NCOR2: variants seen among roughly 807,000 people sequenced by gnomAD.
The protein encoded by NCOR2 is nuclear receptor corepressor 2.
In NCOR2, 81 loss-of-function variants were observed where a neutral mutation model predicts 262.9. The ratio of observed to expected loss-of-function variants is 0.31; its 90% CI spans 0.26 to 0.37. NCOR2 has a LOEUF of 0.37. NCOR2 is among the 10% of genes least tolerant of loss of function. NCOR2 has a pLI of 1.00. For missense variants in NCOR2, 3,385 were observed against 3,621.4 expected (o/e 0.93, Z 1.68); for synonymous variants, 1,659 against 1,559.3 (o/e 1.06, Z -1.51).
At chr12:124,535,060 C>T (rs912671868) in intron 1 of NCOR2, among the ~76,000 whole-genome samples, 5 of 152,236 alleles carry the variant, frequency 3.3e-5, no homozygotes, top group Admixed American at 2.0e-4. Flanking sequence ...GTGCCCAGCA[C>T]AGAAGTAGCA....
exon 4 of NCOR2, chr12:124,473,115 C>T (rs1469580545): frequency 1.2e-6 from 2 of 1,613,804 alleles, no homozygotes; most frequent in Non-Finnish European, 1.7e-6. Context: ...TTCCAGCTTG[C>T]CCGTCAGGCT....
rs1204018518 is a variant in NCOR2, at chr12:124,473,192, C to A, written c.412-61G>T. 2.5e-6 allele frequency: 4 copies of A among 1,582,558 alleles called. No individual in the cohort carries two copies. The East Asian group carries it at 9.0e-5, about 36-fold the overall frequency. On this transcript the variant is annotated intron_variant, in intron 3 of 46. Transcript: ENST00000405201. ...AGGGGACACCCCCCAGTCTGTACAACCCTGTGATGGTTAATACTGTCAACC... is the reference window on the plus strand; with the variant it reads ...AGGGGACACCCCCCAGTCTGTACAAACCTGTGATGGTTAATACTGTCAACC...
At chr12:124,381,830 G>A (rs1173628557) in intron 17 of NCOR2, among the ~76,000 whole-genome samples, 1 of 152,236 alleles carries the variant, frequency 6.6e-6, no homozygotes, top group Non-Finnish European at 1.5e-5. Flanking sequence ...TGAATTCACA[G>A]ATGGGAGAAA....
rs375448768 is a variant in NCOR2 at position 124,326,190 on chromosome 12, C to G, written c.7363+1G>C. Reference sequence around the variant, plus strand: ...CAGCCCTGTCCCCACCTGGTGCCCACCTGCGGACGAGGGCCTGTCCTCCCA... The same window carrying G: ...CAGCCCTGTCCCCACCTGGTGCCCAGCTGCGGACGAGGGCCTGTCCTCCCA... On this transcript the variant is annotated splice_donor_variant, in intron 46 of 46. Transcript: ENST00000405201. LOFTEE classifies it high-confidence loss of function. The G allele has an allele frequency of 6.6e-7, 1 of 1,522,480 alleles. No individual in the cohort carries two copies. Among genetic ancestry groups the G allele is most frequent in the Non-Finnish European group, 8.8e-7 (1 of 1,137,490 alleles). The allele number at this position is 1,522,480 out of a possible 1,614,324, so 94.3% of individuals were successfully genotyped here.
At chr12:124,486,748 G>A (rs374698477) in intron 1 of NCOR2, among the ~76,000 whole-genome samples, 180 bp from the exon 4 acceptor site, 35 of 152,294 alleles carry the variant, frequency 2.3e-4, no homozygotes, top group South Asian at 1.0e-3. Context: ...CCTTGGGGCC[G>A]AACACCAAGG....
At chr12:124,400,721 A>C in intron 14 of NCOR2, 48 bp from the exon 17 acceptor site, 1 of 1,599,532 alleles carries the variant, frequency 6.3e-7, no homozygotes. Flanking sequence ...GAGCCGGGAA[A>C]TCAAACAGCC....
chr12:124,351,501 C>T (rs916457206), intron 27 of NCOR2, among the ~76,000 whole-genome samples: 1 of 152,080 alleles, frequency 6.6e-6, no homozygotes, highest in African/African-American at 2.4e-5. Flanking sequence ...TCGAAAATGT[C>T]CCTAGAGAGT....
chr12:124,412,748 C>A lies in NCOR2; in HGVS notation c.1482+7209G>T, dbSNP rs563691789. On this transcript the variant is annotated intron_variant, in intron 13 of 46. Transcript: ENST00000405201. ...GGTTCTCAGCAGCGTCCTAGACCAA[C>A]GCCTGGGAGCTCCTTGGAAATGCAG... Among the ~76,000 whole-genome samples the A allele has an allele frequency of 9.2e-5, 14 of 152,390 alleles. 1 individual carries two copies. In the East Asian group the frequency reaches 1.5e-3, roughly 17 times the overall value.
chr12:124,473,092 G>A, exon 4 of NCOR2: 3 of 1,614,046 alleles, frequency 1.9e-6, no homozygotes, highest in Non-Finnish European at 2.5e-6. Context: ...GGGGGGCTGG[G>A]GGGAGACACC....
At chr12:124,401,069 G>A (rs1183688945) in intron 14 of NCOR2, among the ~76,000 whole-genome samples, 1 of 152,128 alleles carries the variant, frequency 6.6e-6, no homozygotes, top group Non-Finnish European at 1.5e-5. Flanking sequence ...AAATTAGCCA[G>A]GCGTGGTGGC....
chr12:124,355,107 T>A, intron 24 of NCOR2, 168 bp from the exon 27 acceptor site: 1 of 643,818 alleles, frequency 1.6e-6, no homozygotes, highest in Non-Finnish European at 2.6e-6. Flanking sequence ...CTCGGCCCCC[T>A]CCCCTGTGAA....
At chr12:124,387,536 G>A (rs926642204) in intron 16 of NCOR2, among the ~76,000 whole-genome samples, 4 of 152,328 alleles carry the variant, frequency 2.6e-5, no homozygotes, top group South Asian at 2.1e-4. Flanking sequence ...CCTGCCCTCC[G>A]GGTCCTCTGG....
chr12:124,551,606 C>T (rs1368313552), intron 1 of NCOR2, among the ~76,000 whole-genome samples: 1 of 152,210 alleles, frequency 6.6e-6, no homozygotes. Flanking sequence ...CTCCCCTGGC[C>T]GCCTCTTTGC....
intron 11 of NCOR2, among the ~76,000 whole-genome samples, chr12:124,424,419 A>AT (rs1231886343): frequency 6.6e-6 from 1 of 152,162 alleles, no homozygotes; most frequent in East Asian, 1.9e-4. Context: ...GGCACGAGCC[A>AT]TTAAGTAACC....
intron 9 of NCOR2, 119 bp from the exon 12 acceptor site, chr12:124,429,825 A>C: frequency 1.0e-6 from 1 of 976,020 alleles, no homozygotes; most frequent in Non-Finnish European, 1.5e-6. Flanking sequence ...GGCAGCGGCC[A>C]GCAGAGGGGC....
intron 1 of NCOR2, among the ~76,000 whole-genome samples, chr12:124,550,121 C>T (rs913317675): frequency 6.6e-6 from 1 of 150,794 alleles, no homozygotes; most frequent in Admixed American, 6.6e-5. Flanking sequence ...TGGATGGAAG[C>T]AGGGGTGTTG....
At chr12:124,333,833 G>A (rs1181758328) in intron 41 of NCOR2, among the ~76,000 whole-genome samples, 1 of 149,278 alleles carries the variant, frequency 6.7e-6, no homozygotes, top group African/African-American at 2.5e-5. Flanking sequence ...GGGGTGTGCG[G>A]GTGCGCCTGT....
intron 5 of NCOR2, among the ~76,000 whole-genome samples, chr12:124,465,446 C>T (rs564478598): frequency 6.6e-6 from 1 of 152,318 alleles, no homozygotes; most frequent in African/African-American, 2.4e-5. Flanking sequence ...AGGGTCCAGC[C>T]CCTGGAGACA....
intron 45 of NCOR2, 124 bp from the exon 48 acceptor site, chr12:124,326,494 T>A: frequency 1.0e-6 from 1 of 964,904 alleles, no homozygotes; most frequent in Non-Finnish European, 1.4e-6. Flanking sequence ...GGGAGAGCAG[T>A]AACGTGAACC....
Sources: gnomAD v4.1 joint callset for allele counts (sites outside exome capture counted in the v4.1 genomes callset) on GRCh38, gnomAD v4.1.1 for gene constraint, MANE v1.5 for transcripts, NCBI Gene and HGNC (gene_info 2026-07-23, HGNC 2026-07-21) for gene names.